MED12L: variants seen among roughly 807,000 people sequenced by gnomAD.
MED12L encodes the protein mediator complex subunit 12L.
Under a neutral mutation model 281.3 loss-of-function variants are expected in MED12L, and 60 were observed. The ratio of observed to expected loss-of-function variants is 0.21; its 90% CI spans 0.17 to 0.26. MED12L has a LOEUF of 0.26. Ranked by LOEUF, MED12L falls within the 10% of genes least tolerant of loss-of-function variation. The pLI, the probability that MED12L is intolerant of heterozygous loss-of-function variation, is 1.00. For missense variants in MED12L, 2,146 were observed against 2,680.9 expected, an observed-to-expected ratio of 0.80 and a Z score of 4.41; for synonymous variants, 974 against 987.2, an observed-to-expected ratio of 0.99 and a Z score of 0.25.
At chr3:151,088,273 A>G (rs930678563) in intron 2 of MED12L, among the ~76,000 whole-genome samples, 4 of 152,214 alleles carry the variant, frequency 2.6e-5, no homozygotes, top group African/African-American at 9.6e-5. Flanking sequence ...AAGGTTTTAC[A>G]GGTGGTTTCC....
At chr3:151,328,757 A>T (rs2149868498) in intron 16 of MED12L, 1 of 1,613,992 alleles carries the variant, frequency 6.2e-7, no homozygotes, top group Non-Finnish European at 8.5e-7. Flanking sequence ...GTCAGAGAGG[A>T]TTTTGAAAGG....
intron 22 of MED12L, 151 bp from the exon 23 acceptor site, chr3:151,365,699 A>T: frequency 1.5e-6 from 1 of 673,164 alleles, no homozygotes; most frequent in Non-Finnish European, 2.3e-6. Context: ...TCAAGGTTCT[A>T]CTAAGTTATT....
Position 151,430,343 on chromosome 3 carries a change from G to T in MED12L, c.6453G>T (p.Thr2151=). 1 of 1,614,000 alleles carries T rather than the reference G, an allele frequency of 6.2e-7. No individual in the cohort carries two copies. The highest frequency in any genetic ancestry group is 8.5e-7 in the Non-Finnish European group (1 of 1,179,958). ...AGCAGACCCAGCAGCAGCAGCAGAC[G>T]GCCGCCTTGGTGCGGCAGCTCCAGA... ...GLQQTQQQQQ[T]AALVRQLQKQ... The change falls in exon 44 of 45, where the codon ACG becomes ACT. Residue 2151 remains threonine (T), a synonymous_variant. Transcript: ENST00000687756.
intron 16 of MED12L, chr3:151,316,430 A>G (rs890394907): frequency 4.6e-5 from 7 of 152,216 alleles, no homozygotes; most frequent in Non-Finnish European, 1.0e-4. Flanking sequence ...TTGAAGCTTC[A>G]TGGCTCACAG....
intron 39 of MED12L, among the ~76,000 whole-genome samples, chr3:151,398,301 A>T (rs931036240): frequency 2.6e-5 from 4 of 152,236 alleles, no homozygotes; most frequent in Non-Finnish European, 5.9e-5. Flanking sequence ...AACTCAGGAT[A>T]TATCTAAGAC....
chr3:151,420,512 C>T (rs954752669), intron 43 of MED12L, among the ~76,000 whole-genome samples: 1 of 152,062 alleles, frequency 6.6e-6, no homozygotes, highest in Non-Finnish European at 1.5e-5. Flanking sequence ...CCACTTCTAC[C>T]CCTTGATTCC....
chr3:151,170,582 G>T (rs1181288084), intron 11 of MED12L, among the ~76,000 whole-genome samples: 1 of 152,086 alleles, frequency 6.6e-6, no homozygotes, highest in African/African-American at 2.4e-5. Flanking sequence ...CCTGGAATGT[G>T]CTAATTCTTT....
chr3:151,294,015 A>G (rs1014640024), intron 16 of MED12L: 19 of 625,168 alleles, frequency 3.0e-5, no homozygotes, highest in Non-Finnish European at 4.3e-5. Context: ...TCTCTTTGCT[A>G]TGCTTTAATG....
At chr3:151,295,926 T>A (rs1745028448) in intron 16 of MED12L, among the ~76,000 whole-genome samples, 1 of 152,228 alleles carries the variant, frequency 6.6e-6, no homozygotes, top group Non-Finnish European at 1.5e-5. Flanking sequence ...GAATTTAAGT[T>A]GCAGGCTGGT....
Position 151,388,034 on chromosome 3 carries a change from G to A in MED12L, c.5313G>A (p.Glu1771=), listed in dbSNP as rs369237713. 48 of 1,613,916 alleles carry A rather than the reference G, an allele frequency of 3.0e-5. No individual in the cohort carries two copies. The highest frequency in any genetic ancestry group is 4.0e-5 in the Non-Finnish European group (47 of 1,180,022). The change falls in exon 37 of 45, where the codon GAG becomes GAA. Residue 1771 remains glutamate (E), a synonymous_variant. Transcript: ENST00000687756. Reference sequence around the variant, plus strand: ...TGCCCCTGCCTCCTGAGGAGGAAGAGGAAGAGCCCACATCTCCAGTTTCTC... The same window carrying A: ...TGCCCCTGCCTCCTGAGGAGGAAGAAGAAGAGCCCACATCTCCAGTTTCTC... ...QPLPLPPEEE[E]EEPTSPVSQE...
At chr3:151,252,025 C>A (rs768476203) in intron 16 of MED12L, among the ~76,000 whole-genome samples, 5 of 152,136 alleles carry the variant, frequency 3.3e-5, no homozygotes, top group African/African-American at 9.7e-5. Context: ...TTCTATTTAA[C>A]CTGTGTGTTT....
Position 151,375,925 on chromosome 3 carries a change from A to T in MED12L, c.3865-101A>T, listed in dbSNP as rs942853137. On this transcript the variant is annotated intron_variant, in intron 27 of 44. Coordinates refer to ENST00000687756, the MANE Select transcript of MED12L (RefSeq NM_001393769.1). Reference sequence around the variant, plus strand: ...TAATTTTTTAAATTGGAAAATTCCTATCAGTTTTCTATTCAATTATGCACT... The same window carrying T: ...TAATTTTTTAAATTGGAAAATTCCTTTCAGTTTTCTATTCAATTATGCACT... 6.5e-6 allele frequency: 4 copies of T among 619,218 alleles called. No homozygotes were observed. The South Asian group carries it at 2.8e-4, about 43-fold the overall frequency. The allele number at this position is 619,218 out of a possible 1,614,324, so 38.4% of individuals were successfully genotyped here.
In MED12L at chr3:151,087,177, A is replaced by AC. The variant is rs999685314; in HGVS notation, c.99+158dup. The AC allele has an allele frequency of 8.2e-6, 5 of 613,404 alleles. No homozygotes were observed. The South Asian group carries it at 9.6e-5, about 12-fold the overall frequency. The allele number at this position is 613,404 out of a possible 1,614,324, so 38.0% of individuals were successfully genotyped here. A position where few individuals can be genotyped will look rare whatever the true frequency, so the allele number is the denominator to read the frequency against. On this transcript the variant is annotated intron_variant, in intron 2 of 44. Coordinates refer to ENST00000687756, the MANE Select transcript of MED12L (RefSeq NM_001393769.1). ...GGGGCCAGGCTGGGGGTGCTGGGCG[A>AC]CCCCCCGGCGGCGGAGACCGAGCGG...
At chr3:151,316,045 C>T (rs997120444) in intron 16 of MED12L, among the ~76,000 whole-genome samples, 1 of 152,136 alleles carries the variant, frequency 6.6e-6, no homozygotes, top group African/African-American at 2.4e-5. Context: ...GTTTGTCAGT[C>T]ACTGGGCAGT....
chr3:151,287,680 A>G (rs1743714722), intron 16 of MED12L, among the ~76,000 whole-genome samples: 2 of 152,178 alleles, frequency 1.3e-5, no homozygotes, highest in African/African-American at 2.4e-5. Flanking sequence ...GATATCTACT[A>G]TATAAGGTTC....
chr3:151,380,454 G>A (rs749010452), intron 32 of MED12L, among the ~76,000 whole-genome samples: 2 of 151,964 alleles, frequency 1.3e-5, no homozygotes, highest in African/African-American at 4.8e-5. Flanking sequence ...AAAATTAGCC[G>A]GGCATGATGG....
intron 17 of MED12L, among the ~76,000 whole-genome samples, chr3:151,351,025 G>T (rs184318687): frequency 6.6e-6 from 1 of 152,134 alleles, no homozygotes; most frequent in African/African-American, 2.4e-5. Context: ...GAAGGAAAAA[G>T]AAAGTTTGTG....
chr3:151,356,699 T>C (rs998082941), intron 19 of MED12L, among the ~76,000 whole-genome samples: 2 of 152,168 alleles, frequency 1.3e-5, no homozygotes, highest in Non-Finnish European at 2.9e-5. Context: ...GTTTATTTGC[T>C]CTTTATAATA....
intron 3 of MED12L, among the ~76,000 whole-genome samples, chr3:151,121,830 C>A (rs546725808): frequency 6.6e-6 from 1 of 152,134 alleles, no homozygotes; most frequent in African/African-American, 2.4e-5. Context: ...ATTCTCATGC[C>A]TCAGCCTCCC....
Sources: gnomAD v4.1 joint callset for allele counts (sites outside exome capture counted in the v4.1 genomes callset) on GRCh38, gnomAD v4.1.1 for gene constraint, MANE v1.5 for transcripts, NCBI Gene and HGNC (gene_info 2026-07-23, HGNC 2026-07-21) for gene names.